The following HIVEP3 variants were observed in gnomAD, a reference collection of about 807,000 sequenced individuals.
HIVEP3 encodes the protein HIVEP zinc finger 3, also known as transcription factor HIVEP3.
A neutral mutation model predicts 152.8 loss-of-function variants in HIVEP3; 49 were observed. The observed-to-expected ratio is 0.32, with a 90% CI of 0.26 to 0.41. HIVEP3 has a LOEUF of 0.41. Among genes scored for constraint, HIVEP3 ranks in the 10% least tolerant of loss-of-function variants. HIVEP3 has a pLI of 1.00. For missense variants in HIVEP3, 2,790 were observed against 3,103.3 expected, an observed-to-expected ratio of 0.90 and a Z score of 2.40; for synonymous variants, 1,269 against 1,289.0, an observed-to-expected ratio of 0.98 and a Z score of 0.33.
At chr1:41,691,229 A>G (rs1249405980) in intron 2 of HIVEP3, among the ~76,000 whole-genome samples, 1 of 152,266 alleles carries the variant, frequency 6.6e-6, no homozygotes, top group Admixed American at 6.5e-5. Context: ...AGTGCCATCA[A>G]TAACAAGTTT....
intron 1 of HIVEP3, among the ~76,000 whole-genome samples, chr1:42,011,836 G>C (rs1645493506): frequency 6.6e-6 from 1 of 152,160 alleles, no homozygotes; most frequent in African/African-American, 2.4e-5. Context: ...CTATAGACCA[G>C]GAGTTTTGGA....
intron 3 of HIVEP3, among the ~76,000 whole-genome samples, chr1:41,622,482 G>A (rs1645060643): frequency 6.6e-6 from 1 of 152,176 alleles, no homozygotes; most frequent in Admixed American, 6.5e-5. Context: ...GTCAAGGGTT[G>A]GCAAATCCAG....
chr1:41,945,043 C>A (rs1645067554), intron 1 of HIVEP3, among the ~76,000 whole-genome samples: 2 of 152,166 alleles, frequency 1.3e-5, no homozygotes, highest in African/African-American at 4.8e-5. Flanking sequence ...AGCTAGACCT[C>A]TTTTGTAGAA....
At chr1:41,789,730 T>C (rs999900015) in intron 1 of HIVEP3, among the ~76,000 whole-genome samples, 2 of 152,204 alleles carry the variant, frequency 1.3e-5, no homozygotes, top group African/African-American at 4.8e-5. Flanking sequence ...CTGAGCCCTC[T>C]AGTTCTATAA....
intron 1 of HIVEP3, among the ~76,000 whole-genome samples, chr1:41,876,445 A>T (rs1264663784): frequency 6.6e-6 from 1 of 152,200 alleles, no homozygotes; most frequent in Non-Finnish European, 1.5e-5. Context: ...TAAAATAAAG[A>T]TAATAATAGA....
intron 5 of HIVEP3, among the ~76,000 whole-genome samples, chr1:41,544,784 CTCCACTGCT>C (rs1381280712): frequency 1.3e-4 from 18 of 141,396 alleles, no homozygotes; most frequent in Admixed American, 2.1e-4. Flanking sequence ...CTACCTCTAC[CTCCACTGCT>C]ACCATCACCA....
At chr1:41,531,877 T>C (rs1643267763) in intron 5 of HIVEP3, among the ~76,000 whole-genome samples, 1 of 82,134 alleles carries the variant, frequency 1.2e-5, no homozygotes, top group Non-Finnish European at 2.4e-5. Flanking sequence ...ACAGGAGAGA[T>C]GGAGGACAGG....
intron 1 of HIVEP3, among the ~76,000 whole-genome samples, chr1:42,013,163 T>G (rs923233712): frequency 5.9e-5 from 9 of 152,192 alleles, no homozygotes; most frequent in African/African-American, 2.2e-4. Context: ...CTTCTCCCTA[T>G]GTCTCTTCAT....
At chr1:41,722,169 T>C (rs1434262234) in intron 1 of HIVEP3, among the ~76,000 whole-genome samples, 1 of 152,114 alleles carries the variant, frequency 6.6e-6, no homozygotes, top group African/African-American at 2.4e-5. Context: ...TTGGTGTGTA[T>C]CTCCTTCGCA....
chr1:41,733,202 G>A (rs1646867534), intron 1 of HIVEP3, among the ~76,000 whole-genome samples: 1 of 152,132 alleles, frequency 6.6e-6, no homozygotes, highest in South Asian at 2.1e-4. Flanking sequence ...ATATGGGGCT[G>A]TGCTGAGACA....
chr1:42,008,527 A>G (rs1645474558), intron 1 of HIVEP3, among the ~76,000 whole-genome samples: 1 of 152,108 alleles, frequency 6.6e-6, no homozygotes, highest in Non-Finnish European at 1.5e-5. Context: ...TTATACTGGG[A>G]TTTCTTTTCA....
chr1:41,572,853 T>C (rs1644270826), intron 5 of HIVEP3, among the ~76,000 whole-genome samples: 1 of 152,132 alleles, frequency 6.6e-6, no homozygotes, highest in Non-Finnish European at 1.5e-5. Flanking sequence ...TGAGTAAACA[T>C]AACAAGTTAC....
At chr1:41,619,156 G>C (rs1241969698) in intron 3 of HIVEP3, among the ~76,000 whole-genome samples, 1 of 150,858 alleles carries the variant, frequency 6.6e-6, no homozygotes, top group African/African-American at 2.4e-5. Context: ...CACTCCTCCA[G>C]CCACACCAGC....
At chr1:41,576,533 A>AGT (rs1398388816) in intron 4 of HIVEP3, among the ~76,000 whole-genome samples, 1 of 152,164 alleles carries the variant, frequency 6.6e-6, no homozygotes, top group Non-Finnish European at 1.5e-5. Context: ...AGGGGCTGGG[A>AGT]GTGAGAATTT....
intron 1 of HIVEP3, among the ~76,000 whole-genome samples, chr1:41,756,371 CAT>C (rs1413759150): frequency 2.6e-5 from 4 of 152,168 alleles, no homozygotes; most frequent in South Asian, 2.1e-4. Flanking sequence ...TGAATCTACA[CAT>C]GTGATGAAGT....
In HIVEP3 at chr1:41,783,688, G is replaced by T. The variant is rs80322983; in HGVS notation, c.-800-82693C>A. Among the ~76,000 whole-genome samples, 493 of 152,308 alleles carry T rather than the reference G, an allele frequency of 3.2e-3. 4 individuals are homozygous for T. Among genetic ancestry groups the T allele is most frequent in the African/African-American group, 0.011 (474 of 41,562 alleles). On this transcript the variant is annotated intron_variant, in intron 1 of 8. Transcript: ENST00000372583. ...CACCAGCTTTATTTTATACATACAG[G>T]AGATGTCTTGCTGGAGATGACATTC...
chr1:42,028,463 C>A (rs1335480332), intron 1 of HIVEP3, among the ~76,000 whole-genome samples: 1 of 152,182 alleles, frequency 6.6e-6, no homozygotes, highest in East Asian at 1.9e-4. Flanking sequence ...ACTCACTACT[C>A]CATTCCACCT....
chr1:41,814,432 T>C (rs1211108661), intron 1 of HIVEP3, among the ~76,000 whole-genome samples: 1 of 152,170 alleles, frequency 6.6e-6, no homozygotes, highest in Non-Finnish European at 1.5e-5. Flanking sequence ...ATTCCACATA[T>C]GAGTAAATGT....
chr1:41,622,260 C>T (rs1273869926), intron 3 of HIVEP3, among the ~76,000 whole-genome samples: 1 of 152,102 alleles, frequency 6.6e-6, no homozygotes. Flanking sequence ...GACAGGGTAC[C>T]ACAGAATCCC....
Sources: allele counts gnomAD v4.1 joint callset (sites outside exome capture counted in the v4.1 genomes callset), GRCh38; gene constraint gnomAD v4.1.1; transcripts MANE v1.5; gene names NCBI Gene and HGNC (gene_info 2026-07-23, HGNC 2026-07-21).